ATP8A1: variants seen among roughly 807,000 people sequenced by gnomAD.
ATP8A1 encodes phospholipid-transporting ATPase IA.
A neutral mutation model predicts 177.7 loss-of-function variants in ATP8A1; 90 were observed. The observed-to-expected ratio is 0.51, with a 90% CI of 0.43 to 0.60. The LOEUF is 0.60. ATP8A1 is among the 20% of genes least tolerant of loss of function. The probability of loss-of-function intolerance (pLI) is 0.00; values close to 1 mark genes in which losing one functional copy is unlikely to be tolerated. For synonymous variants in ATP8A1, 493 were observed against 485.9 expected (o/e 1.01, Z -0.19); for missense variants, 1,072 against 1,392.8 (o/e 0.77, Z 3.67).
chr4:42,464,265 CTTTTTT>C (rs11365064), intron 27 of ATP8A1, among the ~76,000 whole-genome samples: 3 of 130,118 alleles, frequency 2.3e-5, no homozygotes, highest in Non-Finnish European at 5.0e-5. Flanking sequence ...GGCTGACAAA[CTTTTTT>C]TTTTTTTTTT....
intron 20 of ATP8A1, among the ~76,000 whole-genome samples, chr4:42,538,043 C>T (rs112288655): frequency 4.6e-5 from 7 of 152,152 alleles, no homozygotes; most frequent in Admixed American, 2.0e-4. Context: ...GTCACCAAAA[C>T]GGCATGGTAG....
rs1714809914 is a variant in ATP8A1 at position 42,427,928 on chromosome 4, T to C, written c.3124-4223A>G. Among the ~76,000 whole-genome samples, 3 of 152,220 alleles carry C rather than the reference T, an allele frequency of 2.0e-5. No homozygotes were observed. The South Asian group carries it at 6.2e-4, about 32-fold the overall frequency. ...TCTTACAAACATCCCACACAACTAA[T>C]TTTGGGGAATGCAAATATTCGTTGT... On this transcript the variant is annotated intron_variant, in intron 33 of 36. Transcript: ENST00000381668.
chr4:42,482,626 CATCTTT>C (rs1359784693), intron 25 of ATP8A1, among the ~76,000 whole-genome samples: 7 of 152,192 alleles, frequency 4.6e-5, no homozygotes, highest in Non-Finnish European at 1.0e-4. Context: ...GGACAACACT[CATCTTT>C]ATAACTGTGT....
rs1408190547 is a variant in ATP8A1 at position 42,627,094 on chromosome 4, T to C, written c.65A>G (p.Asp22Gly). 1.9e-6 allele frequency: 3 copies of C among 1,613,488 alleles called. No homozygotes were observed. The highest frequency in any genetic ancestry group is 3.3e-5 in the Admixed American group (2 of 60,022). ...RSRAEGYEKT[D>G]DVSEKTSLAD... is the part of the protein sequence containing the mutation. Reference sequence around the variant, plus strand: ...CAGTGAGGTCTTCTCTGAAACATCATCTGTCTTCTCATAACCTTAAAAAGA... The same window carrying C: ...CAGTGAGGTCTTCTCTGAAACATCACCTGTCTTCTCATAACCTTAAAAAGA... Residue 22 changes from aspartate (D) to glycine (G), a missense_variant, in exon 2 of 37, where the codon GAT (aspartate) becomes GGT (glycine). Asp to Gly is a moderately conservative substitution (Grantham distance 94, BLOSUM62 -1). Around this residue, in one of 5 missense-constraint regions of ATP8A1, gnomAD observed 344 missense variants for 393.5 expected, o/e 0.87. Transcript: ENST00000381668.
intron 1 of ATP8A1, among the ~76,000 whole-genome samples, chr4:42,640,597 A>G (rs75860261): frequency 6.6e-6 from 1 of 152,348 alleles, no homozygotes; most frequent in African/African-American, 2.4e-5. Flanking sequence ...CCCTATTGTT[A>G]TAAATGAAGA....
At chr4:42,523,945 G>A (rs910849642) in intron 21 of ATP8A1, among the ~76,000 whole-genome samples, 3 of 152,058 alleles carry the variant, frequency 2.0e-5, no homozygotes, top group African/African-American at 7.2e-5. Context: ...GAATTAACGG[G>A]AAAAAGTATT....
chr4:42,501,807 C>A (rs772076165), intron 24 of ATP8A1, among the ~76,000 whole-genome samples: 12 of 152,112 alleles, frequency 7.9e-5, no homozygotes, highest in Admixed American at 3.3e-4. Flanking sequence ...GCAGGTCTGA[C>A]CCTAAACAGT....
chr4:42,540,538 C>T (rs1398303083), intron 20 of ATP8A1, among the ~76,000 whole-genome samples: 2 of 141,222 alleles, frequency 1.4e-5, no homozygotes, highest in Non-Finnish European at 3.1e-5. Context: ...AAGTGTCCAT[C>T]AACAGACCAA....
In ATP8A1 at chr4:42,591,517, C is replaced by T. The variant is rs550396370; in HGVS notation, c.451-633G>A. Among the ~76,000 whole-genome samples, 40 of 152,176 alleles carry T rather than the reference C, an allele frequency of 2.6e-4. 2 individuals carry two copies. The South Asian group carries it at 4.1e-3, about 16-fold the overall frequency. The stretch of plus-strand genomic sequence containing the variant: ...GGAAGTCAGAAGGCATAACTGTAGC[C>T]TTTTGAGTTACTTAGCAATTAATGA... On this transcript the variant is annotated intron_variant, in intron 6 of 36. Transcript: ENST00000381668.
chr4:42,478,295 G>A (rs1721292146), intron 25 of ATP8A1, among the ~76,000 whole-genome samples: 1 of 152,044 alleles, frequency 6.6e-6, no homozygotes, highest in African/African-American at 2.4e-5. Context: ...CTGGGGGATG[G>A]CGTACGTAGA....
chr4:42,464,312 C>G (rs1487608642), intron 27 of ATP8A1, among the ~76,000 whole-genome samples: 1 of 145,408 alleles, frequency 6.9e-6, no homozygotes, highest in African/African-American at 2.6e-5. Context: ...GTTGCCCAGG[C>G]TGGAGGACAG....
At chr4:42,626,820 C>T (rs1279557750) in intron 2 of ATP8A1, 175 bp downstream of exon 2, 12 of 625,374 alleles carry the variant, frequency 1.9e-5, no homozygotes, top group Non-Finnish European at 3.2e-5. Context: ...TTTCCAGATT[C>T]TTATGAATAT....
intron 1 of ATP8A1, among the ~76,000 whole-genome samples, chr4:42,641,000 C>T (rs1739921388): frequency 7.6e-6 from 1 of 132,216 alleles, no homozygotes; most frequent in Non-Finnish European, 1.6e-5. Context: ...CAGAGACTTC[C>T]CCCTCACCAG....
chr4:42,443,477 AT>A, intron 33 of ATP8A1, 87 bp downstream of exon 33: 1 of 624,818 alleles, frequency 1.6e-6, no homozygotes, highest in Non-Finnish European at 2.9e-6. Context: ...AATCAACAAG[AT>A]GGAAAATTAT....
intron 25 of ATP8A1, among the ~76,000 whole-genome samples, chr4:42,470,509 A>T (rs1438361260): frequency 6.6e-6 from 1 of 152,146 alleles, no homozygotes; most frequent in African/African-American, 2.4e-5. Context: ...AATTTAAGGA[A>T]TTTTTTATAG....
chr4:42,574,524 C>G, intron 14 of ATP8A1, 95 bp downstream of exon 14: 4 of 975,826 alleles, frequency 4.1e-6, no homozygotes, highest in Non-Finnish European at 6.2e-6. Context: ...ACCAAACAAC[C>G]CCATACCCTC....
intron 2 of ATP8A1, chr4:42,626,759 T>C (rs1738142660): frequency 1.9e-6 from 1 of 527,650 alleles, no homozygotes. Context: ...TTATTCAATA[T>C]CTATGCAGCA....
intron 16 of ATP8A1, among the ~76,000 whole-genome samples, chr4:42,555,679 C>A (rs916935700): frequency 2.0e-5 from 3 of 151,850 alleles, no homozygotes; most frequent in African/African-American, 7.3e-5. Context: ...AAAAATTAGC[C>A]GGGTGTGGTG....
At chr4:42,457,192 T>C (rs550117454) in intron 27 of ATP8A1, among the ~76,000 whole-genome samples, 3 of 152,320 alleles carry the variant, frequency 2.0e-5, no homozygotes, top group Admixed American at 6.5e-5. Flanking sequence ...AGCCAGATCA[T>C]TGATGCATGC....
Sources: allele counts gnomAD v4.1 joint callset (sites outside exome capture counted in the v4.1 genomes callset), GRCh38; gene constraint gnomAD v4.1.1; regional missense constraint gnomAD v4.1.1; transcripts MANE v1.5; gene names NCBI Gene and HGNC (gene_info 2026-07-23, HGNC 2026-07-21).